USP17L15: variants seen among roughly 807,000 people sequenced by gnomAD.
USP17L15 encodes the protein ubiquitin carboxyl-terminal hydrolase 17-like protein 15.
Position 9,235,301 on chromosome 4 carries a change from A to T in USP17L15, c.917A>T (p.Tyr306Phe). 2 of 191,510 alleles carry T rather than the reference A, an allele frequency of 1.0e-5. 1 individual carries two copies. Among genetic ancestry groups the T allele is most frequent in the Non-Finnish European group, 1.5e-5 (2 of 130,860 alleles). 11.9% of individuals were successfully genotyped at this position (191,510 alleles called of 1,614,324 possible). ...CCTGAGTGCCTTGACATGAAGCTAT[A>T]CATGTCTCAGACGAACTCAGGACCT... ...QYPECLDMKL[Y>F]MSQTNSGPLV... Residue 306 changes from tyrosine to phenylalanine, a missense_variant, in exon 1 of 1, where the codon TAC becomes TTC. Coordinates refer to ENST00000456464, the MANE Select transcript of USP17L15 (RefSeq NM_001256894.2).
At position 9,235,767 on chromosome 4, in the gene USP17L15, C is replaced by T; in HGVS notation, c.1383C>T (p.Pro461=). The change falls in exon 1 of 1, where the codon CCC becomes CCT. Residue 461 remains proline, a synonymous_variant. Transcript: ENST00000456464. ...NVRKVEGTLP[P]DVLVIHQSKY... Reference sequence around the variant, plus strand: ...GAAAAGTCGAAGGTACCCTGCCTCCCGACGTACTTGTGATTCATCAATCAA... The same window carrying T: ...GAAAAGTCGAAGGTACCCTGCCTCCTGACGTACTTGTGATTCATCAATCAA... 1.1e-4 allele frequency: 6 copies of T among 54,740 alleles called. No homozygotes were observed. The East Asian group carries it at 1.3e-3, about 12-fold the overall frequency. 3.4% of individuals were successfully genotyped at this position (54,740 alleles called of 1,614,324 possible). A position where few individuals can be genotyped will look rare whatever the true frequency, so the allele number is the denominator to read the frequency against.
chr4:9,235,981 C>T, the USP17L15 span: 10 of 181,604 alleles, frequency 5.5e-5, 4 homozygotes, highest in South Asian at 3.7e-4. Context: ...CCAGTGGTCT[C>T]AGTGGAAGTA....
Position 9,235,991 on chromosome 4 carries a change from A to T in USP17L15, c.1607A>T (p.Tyr536Phe). 6.4e-6 allele frequency: 1 copy of T among 156,198 alleles called. No homozygotes were observed. Among genetic ancestry groups the T allele is most frequent in the Non-Finnish European group, 9.6e-6 (1 of 104,140 alleles). 9.7% of individuals were successfully genotyped at this position (156,198 alleles called of 1,614,324 possible). Residue 536 changes from tyrosine to phenylalanine, a missense_variant, in exon 1 of 1, where the codon TAC becomes TTC. Coordinates refer to ENST00000456464, the MANE Select transcript of USP17L15 (RefSeq NM_001256894.2). ...GTGTGCCAGTGGTCTCAGTGGAAGT[A>T]CCGACCCACACGTAGGGGTGCACAC... ...LLVCQWSQWK[Y>F]RPTRRGAHTH...
Position 9,235,292 on chromosome 4 carries a change from T to C in USP17L15, c.908T>C (p.Met303Thr). 5.1e-6 allele frequency: 1 copy of C among 194,596 alleles called. No individual in the cohort carries two copies. Among genetic ancestry groups the C allele is most frequent in the East Asian group, 1.5e-4 (1 of 6,572 alleles). The allele number at this position is 194,596 out of a possible 1,614,324, so 12.1% of individuals were successfully genotyped here. ...GTGCAATATCCTGAGTGCCTTGACA[T>C]GAAGCTATACATGTCTCAGACGAAC... Reference protein sequence around the residue: ...KNVQYPECLDMKLYMSQTNSG... With the variant: ...KNVQYPECLDTKLYMSQTNSG... Residue 303 changes from methionine (M) to threonine (T), a missense_variant, in exon 1 of 1, where the codon ATG (methionine) becomes ACG (threonine). Coordinates refer to ENST00000456464, the MANE Select transcript of USP17L15 (RefSeq NM_001256894.2).
chr4:9,235,301 A>G lies in USP17L15; in HGVS notation c.917A>G (p.Tyr306Cys), dbSNP rs1179193383. The G allele has an allele frequency of 2.6e-5, 5 of 191,510 alleles. No homozygotes were observed. Among genetic ancestry groups the G allele is most frequent in the Non-Finnish European group, 3.8e-5 (5 of 130,860 alleles). The allele number at this position is 191,510 out of a possible 1,614,324, so 11.9% of individuals were successfully genotyped here. Residue 306 changes from tyrosine (Y) to cysteine (C), a missense_variant, in exon 1 of 1, where the codon TAC becomes TGC. Physicochemically the swap from Tyr to Cys is radical, Grantham distance 194. Coordinates refer to ENST00000456464, the MANE Select transcript of USP17L15 (RefSeq NM_001256894.2). Reference protein sequence around the residue: ...QYPECLDMKLYMSQTNSGPLV... With the variant: ...QYPECLDMKLCMSQTNSGPLV... ...CCTGAGTGCCTTGACATGAAGCTAT[A>G]CATGTCTCAGACGAACTCAGGACCT...
In USP17L15 at chr4:9,235,919, C is replaced by A. The variant is rs1265792155; in HGVS notation, c.1535C>A (p.Ala512Asp). The change falls in exon 1 of 1, where the codon GCC (alanine) becomes GAC (aspartate). Residue 512 changes from alanine to aspartate, a missense_variant. Ala to Asp is a moderately radical substitution (Grantham distance 126, BLOSUM62 -2). Transcript: ENST00000456464. ...TGTLASLRGR[A>D]RRSKGKNKHS... ...ACACTCGCTTCCCTGCGAGGGAGGG[C>A]CAGGAGATCCAAAGGGAAGAACAAA... 4 of 108,146 alleles carry A rather than the reference C, an allele frequency of 3.7e-5. 2 individuals carry two copies. Among genetic ancestry groups the A allele is most frequent in the East Asian group, 3.8e-4 (2 of 5,212 alleles). The allele number at this position is 108,146 out of a possible 1,614,324, so 6.7% of individuals were successfully genotyped here.
Sources: allele counts gnomAD v4.1 joint callset, GRCh38; gene constraint gnomAD v4.1.1; transcripts MANE v1.5; gene names NCBI Gene and HGNC (gene_info 2026-07-23, HGNC 2026-07-21).